LAMC2: variants seen among roughly 807,000 people sequenced by gnomAD.
LAMC2 encodes the protein laminin subunit gamma 2.
Under a neutral mutation model 140.2 loss-of-function variants are expected in LAMC2, and 97 were observed. That is an observed-to-expected ratio of 0.69 (90% CI 0.59 to 0.82). The LOEUF is 0.82. Among genes scored for constraint, LAMC2 ranks in the 40% least tolerant of loss-of-function variants. The probability of loss-of-function intolerance (pLI) is 0.00; values close to 1 mark genes in which losing one functional copy is unlikely to be tolerated. For synonymous variants in LAMC2, 513 were observed against 540.2 expected, an observed-to-expected ratio of 0.95 and a Z score of 0.70; for missense variants, 1,402 against 1,476.1, an observed-to-expected ratio of 0.95 and a Z score of 0.82.
intron 7 of LAMC2, among the ~76,000 whole-genome samples, chr1:183,224,794 A>G (rs192060994): frequency 5.3e-4 from 81 of 152,078 alleles, no homozygotes; most frequent in African/African-American, 1.9e-3. Context: ...CTTCCTTTGT[A>G]TTAGCCTTCT....
At chr1:183,199,336 T>C (rs964622406) in intron 1 of LAMC2, among the ~76,000 whole-genome samples, 3 of 152,010 alleles carry the variant, frequency 2.0e-5, no homozygotes, top group Admixed American at 6.6e-5. Context: ...TCTCTTAATC[T>C]CGTGATCCAC....
the LAMC2 span, among the ~76,000 whole-genome samples, chr1:183,257,300 G>T: frequency 6.6e-6 from 1 of 152,000 alleles, no homozygotes; most frequent in Non-Finnish European, 1.5e-5. Context: ...AATTAGCTGG[G>T]TGTGGTGGCA....
chr1:183,228,362 G>A lies in LAMC2; in HGVS notation c.1469-12G>A. ...GATGTCGACCTAGGCTTGGTCATTT[G>A]TTCCTTCCCAGGTGCCCGCTGTGAG... On this transcript the variant is annotated splice_polypyrimidine_tract_variant and intron_variant, in intron 10 of 22. Coordinates refer to ENST00000264144, the MANE Select transcript of LAMC2 (RefSeq NM_005562.3). This position sits in a 1 kb window ranked among gnomAD's most constrained non-coding sequence, Gnocchi z 4.3. 6.2e-7 allele frequency: 1 copy of A among 1,614,152 alleles called. No homozygotes were observed. Among genetic ancestry groups the A allele is most frequent in the Non-Finnish European group, 8.5e-7 (1 of 1,180,034 alleles).
At position 183,240,178 on chromosome 1, in the gene LAMC2, A is replaced by G; in HGVS notation, c.3208A>G (p.Asn1070Asp). ...AAGGAAGGAGCTGGAGTTTGACACG[A>G]ATATGGATGCAGTACAGATGGTGAG... Reference protein sequence around the residue: ...LERKELEFDTNMDAVQMVITE... With the variant: ...LERKELEFDTDMDAVQMVITE... The change falls in exon 21 of 23, where the codon AAT (asparagine) becomes GAT (aspartate). Residue 1070 changes from asparagine to aspartate, a missense_variant. Around this residue, in one of 3 missense-constraint regions of LAMC2, gnomAD observed 670 missense variants for 667.2 expected, o/e 1.00. Coordinates refer to ENST00000264144, the MANE Select transcript of LAMC2 (RefSeq NM_005562.3). 1 of 1,614,232 alleles carries G rather than the reference A, an allele frequency of 6.2e-7. No homozygotes were observed. Among genetic ancestry groups the G allele is most frequent in the Non-Finnish European group, 8.5e-7 (1 of 1,180,038 alleles).
chr1:183,240,620 G>A (rs922448414), intron 22 of LAMC2: 11 of 1,418,384 alleles, frequency 7.8e-6, no homozygotes, highest in Non-Finnish European at 1.0e-5. Flanking sequence ...GCACTTGGGG[G>A]TAAAGGTCTG....
chr1:183,204,822 C>G (rs909843375), intron 1 of LAMC2, among the ~76,000 whole-genome samples: 2 of 149,222 alleles, frequency 1.3e-5, no homozygotes, highest in South Asian at 2.1e-4. Flanking sequence ...AAAGCATGTT[C>G]TTTTTTTTTT....
intron 2 of LAMC2, among the ~76,000 whole-genome samples, chr1:183,209,830 T>C (rs898245766): frequency 1.3e-5 from 2 of 152,178 alleles, no homozygotes; most frequent in Non-Finnish European, 2.9e-5. Context: ...ATTTACCATG[T>C]CATCTCTTCT....
intron 1 of LAMC2, among the ~76,000 whole-genome samples, chr1:183,204,084 G>T (rs1658807086): frequency 6.6e-6 from 1 of 152,138 alleles, no homozygotes; most frequent in South Asian, 2.1e-4. Flanking sequence ...GAGGCCAGGA[G>T]TTTAAGACCA....
rs765923446 is a variant in LAMC2, at chr1:183,226,716, A to G, written c.1085A>G (p.Asn362Ser). The G allele has an allele frequency of 1.9e-6, 3 of 1,614,204 alleles. No individual in the cohort carries two copies. In the South Asian group the frequency reaches 3.3e-5, roughly 18 times the overall value. Residue 362 changes from asparagine (N) to serine (S), a missense_variant, in exon 9 of 23, where the codon AAT becomes AGT. This residue lies in a region of LAMC2 where 723 missense variants were observed against 783.3 expected (regional missense o/e 0.92). Transcript: ENST00000264144. ...ATTGCAGGTACTGGGTACATTGACA[A>G]TGTGACCCTGATTTCAGCCCGCCCT... is the stretch of plus-strand genomic sequence containing the variant. Reference protein sequence around the residue: ...YGEYSTGYIDNVTLISARPVS... With the variant: ...YGEYSTGYIDSVTLISARPVS...
rs10668798 is a variant in LAMC2 at position 183,207,835 on chromosome 1, G to GTT, written c.80-32_80-31dup. ...CACCTGCTAGAACAGTTCCTGAGGT[G>GTT]TTTTTTTTTTTTTTTGACGATCTCT... is the stretch of plus-strand genomic sequence containing the variant. On this transcript the variant is annotated intron_variant, in intron 1 of 22. Transcript: ENST00000264144. 268,483 of 1,151,956 alleles carry GTT rather than the reference G, an allele frequency of 0.23. 12,205 individuals are homozygous for GTT. The highest frequency in any genetic ancestry group is 0.26 in the African/African-American group (15,590 of 59,494). 71.4% of individuals were successfully genotyped at this position (1,151,956 alleles called of 1,614,324 possible). A position where few individuals can be genotyped will look rare whatever the true frequency, so the allele number is the denominator to read the frequency against.
At chr1:183,206,883 G>A (rs977411116) in intron 1 of LAMC2, among the ~76,000 whole-genome samples, 1 of 152,174 alleles carries the variant, frequency 6.6e-6, no homozygotes, top group Non-Finnish European at 1.5e-5. Context: ...TCAAATCTCA[G>A]TTCTCCACTG....
chr1:183,218,449 G>C lies in LAMC2; in HGVS notation c.464G>C (p.Cys155Ser). The part of the protein sequence containing the change: ...GIAGPCDAGR[C>S]VCKPAVTGER... ...GCAGGGCCCTGTGACGCGGGCCGCTGTGTCTGCAAGCCAGCTGTCACTGGA... is the reference window on the plus strand; with the variant it reads ...GCAGGGCCCTGTGACGCGGGCCGCTCTGTCTGCAAGCCAGCTGTCACTGGA... The change falls in exon 4 of 23, where the codon TGT becomes TCT. Residue 155 changes from cysteine (C) to serine (S), a missense_variant. Around this residue, in one of 3 missense-constraint regions of LAMC2, gnomAD observed 723 missense variants for 783.3 expected, o/e 0.92. Coordinates refer to ENST00000264144, the MANE Select transcript of LAMC2 (RefSeq NM_005562.3). The C allele has an allele frequency of 6.2e-7, 1 of 1,614,114 alleles. No individual in the cohort carries two copies. Among genetic ancestry groups the C allele is most frequent in the Non-Finnish European group, 8.5e-7 (1 of 1,179,968 alleles).
At chr1:183,254,418 T>TTTTG in the LAMC2 span, among the ~76,000 whole-genome samples, 32 of 151,892 alleles carry the variant, frequency 2.1e-4, no homozygotes, top group Middle Eastern at 3.4e-3. Flanking sequence ...TCTTCTGGTG[T>TTTTG]TTTGTTTGTT....
In LAMC2 at chr1:183,236,447, C is replaced by A. The variant is rs775418046; in HGVS notation, c.2457-13C>A. On this transcript the variant is annotated splice_polypyrimidine_tract_variant and intron_variant, in intron 16 of 22. Coordinates refer to ENST00000264144, the MANE Select transcript of LAMC2 (RefSeq NM_005562.3). ...TCTTTTTATTACCGCCCCCTCCCCA[C>A]CCCCAACACCAGATTGGAGAAAACC... is the stretch of plus-strand genomic sequence containing the variant. The A allele has an allele frequency of 1.9e-6, 3 of 1,612,746 alleles. No individual in the cohort carries two copies. Among genetic ancestry groups the A allele is most frequent in the African/African-American group, 2.7e-5 (2 of 74,810 alleles).
chr1:183,208,435 A>T (rs998733974), intron 2 of LAMC2, among the ~76,000 whole-genome samples: 1 of 152,192 alleles, frequency 6.6e-6, no homozygotes, highest in Non-Finnish European at 1.5e-5. Context: ...GCACTCTTTC[A>T]GGGATAGTTC....
At chr1:183,227,472 C>A in intron 9 of LAMC2, 43 bp from the exon 10 acceptor site, 1 of 1,535,606 alleles carries the variant, frequency 6.5e-7, no homozygotes, top group Non-Finnish European at 9.0e-7. Flanking sequence ...TATTGTCTGA[C>A]CCTGCTCACT....
In LAMC2 at chr1:183,222,325, G is replaced by A. The variant is rs1050578379; in HGVS notation, c.763+114G>A. On this transcript the variant is annotated intron_variant, in intron 6 of 22. Transcript: ENST00000264144. ...ATATAACTTTGGGTTCAGGGTAGCA[G>A]CATCTCCGGGTAGTGCAACCCCAGA... The A allele has an allele frequency of 4.4e-6, 5 of 1,130,424 alleles. No individual in the cohort carries two copies. The African/African-American group carries it at 6.1e-5, about 14-fold the overall frequency. 70.0% of individuals were successfully genotyped at this position (1,130,424 alleles called of 1,614,324 possible).
At chr1:183,212,359 A>T (rs1659098671) in intron 2 of LAMC2, among the ~76,000 whole-genome samples, 1 of 152,160 alleles carries the variant, frequency 6.6e-6, no homozygotes, top group Non-Finnish European at 1.5e-5. Context: ...GAAGTCTCTA[A>T]ACATCAAACC....
Position 183,207,948 on chromosome 1 carries a change from T to G in LAMC2, c.147T>G (p.Asn49Lys), listed in dbSNP as rs569291602. 3 of 1,613,080 alleles carry G rather than the reference T, an allele frequency of 1.9e-6. No homozygotes were observed. In the South Asian group the frequency reaches 3.3e-5, roughly 18 times the overall value. The change falls in exon 2 of 23, where the codon AAT becomes AAG. Residue 49 changes from asparagine to lysine, a missense_variant. This residue lies in a region of LAMC2 where 723 missense variants were observed against 783.3 expected (regional missense o/e 0.92). Transcript: ENST00000264144. ...GGGAACTTCACAGACAAACTGGTAA[T>G]GGATTCCGCTGCCTCAACTGCAATG... ...FDRELHRQTGNGFRCLNCNDN... is the reference protein window; with the variant it reads ...FDRELHRQTGKGFRCLNCNDN...
Sources: allele counts gnomAD v4.1 joint callset (sites outside exome capture counted in the v4.1 genomes callset), GRCh38; gene constraint gnomAD v4.1.1; regional missense constraint gnomAD v4.1.1; non-coding constraint Gnocchi (gnomAD v3.1); transcripts MANE v1.5; gene names NCBI Gene and HGNC (gene_info 2026-07-23, HGNC 2026-07-21).